SNTB1: variants seen among roughly 807,000 people sequenced by gnomAD.
The protein encoded by SNTB1 is beta-1-syntrophin.
A neutral mutation model predicts 48.9 loss-of-function variants in SNTB1; 36 were observed. That is an observed-to-expected ratio of 0.74 (90% confidence interval 0.56 to 0.97). The LOEUF (loss-of-function observed/expected upper bound fraction) is 0.97. Among genes scored for constraint, SNTB1 ranks in the 50% least tolerant of loss-of-function variants. The pLI, the probability that SNTB1 is intolerant of heterozygous loss-of-function variation, is 0.00. For missense variants in SNTB1, 786 were observed against 703.4 expected (o/e 1.12, Z -1.33); for synonymous variants, 299 against 294.6 (o/e 1.01, Z -0.15).
In SNTB1 at chr8:120,636,234, C is replaced by CT. The variant is rs1048839494; in HGVS notation, c.789-3584dup. 2.3e-4 allele frequency among the ~76,000 whole-genome samples: 34 copies of CT among 150,992 alleles called. No individual in the cohort carries two copies. In the East Asian group the frequency reaches 3.9e-3, roughly 17 times the overall value. ...GCTCAGCTTCCTCTTTCTTCTTCTTCTTTTTTTTTATTTTTTTATTATTAT... is the reference window on the plus strand; with the variant it reads ...GCTCAGCTTCCTCTTTCTTCTTCTTCTTTTTTTTTTATTTTTTTATTATTAT... On this transcript the variant is annotated intron_variant, in intron 2 of 6. Coordinates refer to ENST00000517992, the MANE Select transcript of SNTB1 (RefSeq NM_021021.4).
At chr8:120,730,321 G>A (rs1028422531) in intron 1 of SNTB1, among the ~76,000 whole-genome samples, 32 of 152,084 alleles carry the variant, frequency 2.1e-4, no homozygotes, top group African/African-American at 7.0e-4. Flanking sequence ...CACCATGCCC[G>A]GCTAATTTTT....
chr8:120,650,012 C>G (rs997995994), intron 2 of SNTB1, among the ~76,000 whole-genome samples: 1 of 152,204 alleles, frequency 6.6e-6, no homozygotes, highest in African/African-American at 2.4e-5. Context: ...GGCAATGCCT[C>G]GCCCTGCTTC....
intron 2 of SNTB1, among the ~76,000 whole-genome samples, chr8:120,662,438 A>C (rs1299933117): frequency 6.6e-6 from 1 of 152,244 alleles, no homozygotes; most frequent in Admixed American, 6.5e-5. Context: ...CGACTTCATT[A>C]GTTCCTGTTT....
At chr8:120,639,366 T>C (rs1385694712) in intron 2 of SNTB1, among the ~76,000 whole-genome samples, 1 of 152,226 alleles carries the variant, frequency 6.6e-6, no homozygotes, top group Non-Finnish European at 1.5e-5. Flanking sequence ...GTAGTTTCTT[T>C]TGCTGTGCAG....
intron 1 of SNTB1, among the ~76,000 whole-genome samples, chr8:120,744,121 A>ATTTTTTTTTTTT (rs35604534): frequency 6.6e-5 from 9 of 136,090 alleles, no homozygotes; most frequent in Non-Finnish European, 1.3e-4. Context: ...CCCTGTCTCA[A>ATTTTTTTTTTTT]TTTTTTTTTT....
chr8:120,661,050 T>C (rs1336895833), intron 2 of SNTB1, among the ~76,000 whole-genome samples: 3 of 152,136 alleles, frequency 2.0e-5, no homozygotes, highest in Admixed American at 6.5e-5. Flanking sequence ...CAGATCACCA[T>C]AATAGATACA....
intron 1 of SNTB1, among the ~76,000 whole-genome samples, chr8:120,765,284 A>T (rs960146342): frequency 2.0e-5 from 3 of 152,172 alleles, no homozygotes; most frequent in African/African-American, 7.2e-5. Context: ...TGTCTTCCTT[A>T]TAGGGAGTAA....
chr8:120,646,422 C>T (rs200440517), intron 2 of SNTB1, among the ~76,000 whole-genome samples: 28 of 149,864 alleles, frequency 1.9e-4, no homozygotes, highest in South Asian at 8.7e-4. Context: ...ATTGAGATAA[C>T]CATGTGGTTT....
chr8:120,719,614 C>T (rs886579692), intron 1 of SNTB1, among the ~76,000 whole-genome samples: 9 of 152,120 alleles, frequency 5.9e-5, no homozygotes, highest in South Asian at 2.1e-4. Context: ...AAAGCTATGA[C>T]GTTCAGCTGA....
intron 1 of SNTB1, among the ~76,000 whole-genome samples, chr8:120,702,487 A>T (rs975615687): frequency 4.6e-5 from 7 of 151,578 alleles, no homozygotes; most frequent in Non-Finnish European, 1.0e-4. Context: ...TTTCTGGAAA[A>T]CTCCCTACAT....
At chr8:120,755,720 A>G (rs770704924) in intron 1 of SNTB1, among the ~76,000 whole-genome samples, 1 of 152,156 alleles carries the variant, frequency 6.6e-6, no homozygotes, top group Non-Finnish European at 1.5e-5. Flanking sequence ...CCTATTACTT[A>G]CGCTAACTCT....
chr8:120,756,208 A>G (rs141177194), intron 1 of SNTB1, among the ~76,000 whole-genome samples: 227 of 152,290 alleles, frequency 1.5e-3, no homozygotes, highest in Non-Finnish European at 1.9e-3. Flanking sequence ...TACACTTAAT[A>G]CAACTGACAT....
intron 4 of SNTB1, among the ~76,000 whole-genome samples, chr8:120,566,719 G>A (rs1815755235): frequency 6.6e-6 from 1 of 152,132 alleles, no homozygotes; most frequent in African/African-American, 2.4e-5. Flanking sequence ...CATCCCCAGA[G>A]TTTCTGATTC....
rs189304425 is a variant in SNTB1 at position 120,623,337 on chromosome 8, T to C, written c.996+9107A>G. 1.4e-3 allele frequency among the ~76,000 whole-genome samples: 211 copies of C among 152,356 alleles called. 1 individual carries two copies. The highest frequency in any genetic ancestry group is 5.8e-4 in the East Asian group (3 of 5,188). On this transcript the variant is annotated intron_variant, in intron 3 of 6. Coordinates refer to ENST00000517992, the MANE Select transcript of SNTB1 (RefSeq NM_021021.4). Reference sequence around the variant, plus strand: ...CTACTGGTGAGTTAACCTGGTTCCATTGATATGCCTGCCACCCAGCTAGTT... The same window carrying C: ...CTACTGGTGAGTTAACCTGGTTCCACTGATATGCCTGCCACCCAGCTAGTT...
At chr8:120,579,621 GT>G (rs1816011519) in intron 3 of SNTB1, among the ~76,000 whole-genome samples, 1 of 152,198 alleles carries the variant, frequency 6.6e-6, no homozygotes, top group Non-Finnish European at 1.5e-5. Flanking sequence ...TGGAGTTGCA[GT>G]GAGTCAAGAT....
intron 2 of SNTB1, among the ~76,000 whole-genome samples, chr8:120,633,381 A>G (rs1361395250): frequency 1.3e-5 from 2 of 152,140 alleles, no homozygotes; most frequent in East Asian, 3.9e-4. Context: ...TGAGGTGGGC[A>G]GATCACCTGA....
At chr8:120,647,529 G>T (rs2129698557) in intron 2 of SNTB1, among the ~76,000 whole-genome samples, 1 of 149,346 alleles carries the variant, frequency 6.7e-6, no homozygotes, top group African/African-American at 2.5e-5. Flanking sequence ...TGGTCTGAGA[G>T]ATAGTTTGTT....
intron 4 of SNTB1, 51 bp from the exon 5 acceptor site, chr8:120,549,009 C>G: frequency 6.9e-7 from 1 of 1,439,926 alleles, no homozygotes; most frequent in Non-Finnish European, 9.4e-7. Flanking sequence ...AGTTTATTCA[C>G]CTGGCATATC....
chr8:120,782,424 T>A (rs932200606), intron 1 of SNTB1, among the ~76,000 whole-genome samples: 1 of 152,032 alleles, frequency 6.6e-6, no homozygotes, highest in African/African-American at 2.4e-5. Context: ...AACCTTTTTT[T>A]AAAAAAAGTT....
Sources: allele counts gnomAD v4.1 joint callset (sites outside exome capture counted in the v4.1 genomes callset), GRCh38; gene constraint gnomAD v4.1.1; transcripts MANE v1.5; gene names NCBI Gene and HGNC (gene_info 2026-07-23, HGNC 2026-07-21).